ADAMTS19: variants seen among roughly 807,000 people sequenced by gnomAD.
The protein encoded by ADAMTS19 is ADAM metallopeptidase with thrombospondin type 1 motif 19, also known as A disintegrin and metalloproteinase with thrombospondin motifs 19.
In ADAMTS19, 93 loss-of-function variants were observed where a neutral mutation model predicts 153.3. The observed-to-expected ratio is 0.61, with a 90% CI of 0.51 to 0.72. ADAMTS19 has a LOEUF of 0.72. Among genes scored for constraint, ADAMTS19 ranks in the 30% least tolerant of loss-of-function variants. The pLI is 0.00. For synonymous variants in ADAMTS19, 600 were observed against 556.6 expected, an observed-to-expected ratio of 1.08 and a Z score of -1.10; for missense variants, 1,482 against 1,552.1, an observed-to-expected ratio of 0.95 and a Z score of 0.76.
At chr5:129,718,359 GAATT>G (rs1756824410) in intron 21 of ADAMTS19, among the ~76,000 whole-genome samples, 1 of 151,908 alleles carries the variant, frequency 6.6e-6, no homozygotes, top group Admixed American at 6.6e-5. Context: ...AAAAAATAAT[GAATT>G]AATTAAACAC....
intron 3 of ADAMTS19, among the ~76,000 whole-genome samples, chr5:129,524,179 C>A (rs998046008): frequency 1.3e-5 from 2 of 151,912 alleles, no homozygotes; most frequent in Non-Finnish European, 2.9e-5. Flanking sequence ...ATCTGATCTT[C>A]GACAAACCTG....
intron 6 of ADAMTS19, among the ~76,000 whole-genome samples, chr5:129,550,449 G>T (rs1581073764): frequency 7.5e-6 from 1 of 132,580 alleles, no homozygotes. Flanking sequence ...TATGTATCTA[G>T]ATATACATAT....
At chr5:129,490,892 A>T (rs1270291025) in intron 2 of ADAMTS19, among the ~76,000 whole-genome samples, 1 of 152,004 alleles carries the variant, frequency 6.6e-6, no homozygotes, top group Non-Finnish European at 1.5e-5. Context: ...TTGCACTGCC[A>T]ATTTTGTACT....
At chr5:129,512,731 C>T (rs1030096589) in intron 3 of ADAMTS19, among the ~76,000 whole-genome samples, 1 of 152,022 alleles carries the variant, frequency 6.6e-6, no homozygotes, top group African/African-American at 2.4e-5. Flanking sequence ...TCTCTCTTAC[C>T]TGATCTATCT....
chr5:129,580,359 C>A (rs1443583620), intron 7 of ADAMTS19, among the ~76,000 whole-genome samples: 2 of 152,052 alleles, frequency 1.3e-5, no homozygotes, highest in African/African-American at 4.8e-5. Flanking sequence ...GTTTTCTAAA[C>A]AGACAATCAT....
chr5:129,552,353 A>T (rs1201875983), intron 7 of ADAMTS19, among the ~76,000 whole-genome samples: 2 of 151,840 alleles, frequency 1.3e-5, no homozygotes, highest in Non-Finnish European at 2.9e-5. Flanking sequence ...TGAAGTGGCA[A>T]ATTTTTCACC....
At chr5:129,649,166 A>C (rs1753203439) in intron 13 of ADAMTS19, among the ~76,000 whole-genome samples, 196 bp downstream of exon 13, 1 of 152,246 alleles carries the variant, frequency 6.6e-6, no homozygotes, top group African/African-American at 2.4e-5. Context: ...CTGTTACCCC[A>C]TACCTATTAG....
At chr5:129,622,895 A>T (rs1751845485) in intron 10 of ADAMTS19, among the ~76,000 whole-genome samples, 1 of 152,014 alleles carries the variant, frequency 6.6e-6, no homozygotes, top group Non-Finnish European at 1.5e-5. Flanking sequence ...ATATTGTTGT[A>T]TTGTTCTTTT....
chr5:129,511,222 C>T (rs760030121), intron 3 of ADAMTS19, among the ~76,000 whole-genome samples: 23 of 151,560 alleles, frequency 1.5e-4, no homozygotes, highest in Non-Finnish European at 2.7e-4. Context: ...TTTGTACTCT[C>T]TTAGTGTTTT....
intron 6 of ADAMTS19, among the ~76,000 whole-genome samples, chr5:129,543,580 G>A (rs556669629): frequency 6.6e-6 from 1 of 152,248 alleles, no homozygotes; most frequent in African/African-American, 2.4e-5. Flanking sequence ...TGGGCAGCAG[G>A]CCTTCTTTAG....
intron 7 of ADAMTS19, among the ~76,000 whole-genome samples, chr5:129,593,775 T>C (rs1399649924): frequency 1.3e-5 from 2 of 152,206 alleles, no homozygotes; most frequent in African/African-American, 4.8e-5. Context: ...CTGAGTACTA[T>C]GTTAGTGCTC....
chr5:129,576,882 C>T (rs1754123290), intron 7 of ADAMTS19, among the ~76,000 whole-genome samples: 1 of 152,144 alleles, frequency 6.6e-6, no homozygotes, highest in Non-Finnish European at 1.5e-5. Flanking sequence ...TCCCCTGATG[C>T]TTACCCTACT....
chr5:129,476,098 G>C (rs1026172473), intron 2 of ADAMTS19, among the ~76,000 whole-genome samples: 1 of 151,732 alleles, frequency 6.6e-6, no homozygotes, highest in Non-Finnish European at 1.5e-5. Flanking sequence ...TTATTTGTTT[G>C]CTTGATTTGA....
chr5:129,537,367 G>T (rs891720669), intron 6 of ADAMTS19, among the ~76,000 whole-genome samples: 8 of 152,156 alleles, frequency 5.3e-5, no homozygotes, highest in South Asian at 2.1e-4. Context: ...AGTCGGTGTT[G>T]CGATTCCTCA....
intron 10 of ADAMTS19, among the ~76,000 whole-genome samples, chr5:129,627,803 G>A (rs1021850098): frequency 6.6e-6 from 1 of 152,042 alleles, no homozygotes. Flanking sequence ...AGATGCTGGT[G>A]AGGTTGCAGA....
intron 21 of ADAMTS19, among the ~76,000 whole-genome samples, chr5:129,722,542 G>A (rs1757048888): frequency 6.6e-6 from 1 of 152,066 alleles, no homozygotes. Context: ...CCATTCTATA[G>A]GTGGCCTTTT....
chr5:129,530,406 A>G (rs1457512242), intron 6 of ADAMTS19, among the ~76,000 whole-genome samples: 2 of 152,228 alleles, frequency 1.3e-5, no homozygotes, highest in Non-Finnish European at 2.9e-5. Flanking sequence ...TAGGCACATC[A>G]TAGGAAAATT....
At chr5:129,578,143 T>A (rs903892735) in intron 7 of ADAMTS19, among the ~76,000 whole-genome samples, 6 of 129,878 alleles carry the variant, frequency 4.6e-5, no homozygotes, top group African/African-American at 1.4e-4. Flanking sequence ...TATACCTATA[T>A]GCATGTATAT....
At chr5:129,726,157 G>C (rs1286818574) in intron 21 of ADAMTS19, among the ~76,000 whole-genome samples, 1 of 152,086 alleles carries the variant, frequency 6.6e-6, no homozygotes, top group Non-Finnish European at 1.5e-5. Flanking sequence ...TAGTAAACCT[G>C]GGACATCATG....
Sources: allele counts gnomAD v4.1 joint callset (sites outside exome capture counted in the v4.1 genomes callset), GRCh38; gene constraint gnomAD v4.1.1; transcripts MANE v1.5; gene names NCBI Gene and HGNC (gene_info 2026-07-23, HGNC 2026-07-21).